SNTG1: variants seen among roughly 807,000 people sequenced by gnomAD.
SNTG1 encodes the protein gamma-1-syntrophin.
In SNTG1, 39 loss-of-function variants were observed where a neutral mutation model predicts 74.7. The observed-to-expected ratio is 0.52, with a 90% CI of 0.40 to 0.68. The LOEUF is 0.68. SNTG1 is among the 30% of genes least tolerant of loss of function. The pLI is 0.00. For missense variants in SNTG1, 685 were observed against 609.5 expected, an observed-to-expected ratio of 1.12 and a Z score of -1.30; for synonymous variants, 254 against 217.1, an observed-to-expected ratio of 1.17 and a Z score of -1.49.
At chr8:50,611,601 T>C (rs928168641) in intron 13 of SNTG1, among the ~76,000 whole-genome samples, 2 of 152,140 alleles carry the variant, frequency 1.3e-5, no homozygotes, top group Non-Finnish European at 2.9e-5. Flanking sequence ...AAGAATGTAT[T>C]TTGCTTTTAC....
chr8:50,210,624 A>C (rs951621575), intron 2 of SNTG1, among the ~76,000 whole-genome samples: 4 of 152,154 alleles, frequency 2.6e-5, no homozygotes, highest in Non-Finnish European at 5.9e-5. Context: ...TATCCAGCCA[A>C]ACTAAGCTTC....
intron 2 of SNTG1, among the ~76,000 whole-genome samples, chr8:50,261,161 G>C (rs2087173823): frequency 6.6e-6 from 1 of 152,002 alleles, no homozygotes; most frequent in Non-Finnish European, 1.5e-5. Flanking sequence ...AGTGAGGTAG[G>C]GGTGACAACC....
At chr8:50,114,930 A>ATTAGTTTGAT (rs767009117) in intron 1 of SNTG1, among the ~76,000 whole-genome samples, 5 of 152,120 alleles carry the variant, frequency 3.3e-5, no homozygotes, top group Admixed American at 6.6e-5. Context: ...TGGTGTAGCA[A>ATTAGTTTGAT]TTAGTTTGAT....
At chr8:50,349,173 T>C (rs1306503700) in intron 2 of SNTG1, among the ~76,000 whole-genome samples, 2 of 152,210 alleles carry the variant, frequency 1.3e-5, no homozygotes, top group African/African-American at 4.8e-5. Flanking sequence ...AAAAGTTCAC[T>C]TTTGTTAGAA....
At chr8:50,635,172 A>G (rs1174627005) in intron 13 of SNTG1, among the ~76,000 whole-genome samples, 3 of 152,222 alleles carry the variant, frequency 2.0e-5, no homozygotes, top group East Asian at 3.9e-4. Context: ...AATCATGTGC[A>G]GATGAGATTT....
chr8:50,307,269 T>C (rs181139012), intron 2 of SNTG1, among the ~76,000 whole-genome samples: 84 of 152,228 alleles, frequency 5.5e-4, no homozygotes, highest in South Asian at 1.7e-3. Context: ...GATATGAATA[T>C]GTCCAATTTT....
At position 50,737,835 on chromosome 8, in the gene SNTG1, A is replaced by G. The variant is rs534355016; in HGVS notation, c.1285-14166A>G. On this transcript the variant is annotated intron_variant, in intron 17 of 18. Transcript: ENST00000642720. The stretch of plus-strand genomic sequence containing the variant: ...ACATGATTATCTCAGTAGATGCAGA[A>G]AAGGCCTTCAATAAAATTCAACACC... Among the ~76,000 whole-genome samples the G allele has an allele frequency of 6.6e-5, 10 of 152,274 alleles. No homozygotes were observed. In the South Asian group the frequency reaches 1.4e-3, roughly 22 times the overall value.
At chr8:50,015,748 A>G (rs1203948741) in intron 1 of SNTG1, among the ~76,000 whole-genome samples, 1 of 152,156 alleles carries the variant, frequency 6.6e-6, no homozygotes, top group Non-Finnish European at 1.5e-5. Flanking sequence ...ATTGTTGCCA[A>G]TGACAAGTCA....
chr8:50,512,798 A>G (rs1159368815), intron 9 of SNTG1, among the ~76,000 whole-genome samples: 1 of 151,924 alleles, frequency 6.6e-6, no homozygotes, highest in African/African-American at 2.4e-5. Flanking sequence ...TGCATTGGTT[A>G]TTTTAGTTAG....
chr8:49,913,845 A>C (rs999434467), intron 1 of SNTG1, among the ~76,000 whole-genome samples: 3 of 152,180 alleles, frequency 2.0e-5, no homozygotes, highest in African/African-American at 7.2e-5. Flanking sequence ...GTAGGGCATA[A>C]AATGTAAGCA....
At chr8:50,195,534 C>T (rs1313161895) in intron 2 of SNTG1, among the ~76,000 whole-genome samples, 2 of 152,170 alleles carry the variant, frequency 1.3e-5, no homozygotes, top group Non-Finnish European at 2.9e-5. Context: ...ACCTCCTGCT[C>T]CTCTGGTCAC....
At chr8:50,164,983 C>T (rs559486034) in intron 1 of SNTG1, among the ~76,000 whole-genome samples, 1 of 152,218 alleles carries the variant, frequency 6.6e-6, no homozygotes, top group South Asian at 2.1e-4. Context: ...TAAATTAAGA[C>T]AATAGTGACT....
chr8:50,083,092 C>T (rs532285309), intron 1 of SNTG1, among the ~76,000 whole-genome samples: 2 of 152,236 alleles, frequency 1.3e-5, no homozygotes, highest in East Asian at 3.9e-4. Context: ...GCCAACAGAA[C>T]TGAGGGAGTC....
chr8:50,131,387 T>C lies in SNTG1; in HGVS notation c.-102-41174T>C, dbSNP rs139224634. ...GTGTACAACATTAAGTTTTGTTATA[T>C]GTATGCATTCCACACATATGTGAAA... On this transcript the variant is annotated intron_variant, in intron 1 of 18. Coordinates refer to ENST00000642720, the MANE Select transcript of SNTG1 (RefSeq NM_018967.5). Among the ~76,000 whole-genome samples the C allele has an allele frequency of 1.9e-3, 289 of 152,316 alleles. 2 individuals are homozygous for C. The highest frequency in any genetic ancestry group is 3.7e-3 in the Admixed American group (57 of 15,282).
At chr8:50,664,612 TGG>T (rs2095241598) in intron 15 of SNTG1, among the ~76,000 whole-genome samples, 2 of 152,170 alleles carry the variant, frequency 1.3e-5, no homozygotes, top group African/African-American at 4.8e-5. Context: ...CTCATCTCTC[TGG>T]GCACCATGAT....
At chr8:50,407,186 A>C (rs1291296105) in intron 4 of SNTG1, among the ~76,000 whole-genome samples, 2 of 152,204 alleles carry the variant, frequency 1.3e-5, no homozygotes, top group East Asian at 3.9e-4. Flanking sequence ...AGTAGGGCAG[A>C]GATAAACATC....
intron 9 of SNTG1, among the ~76,000 whole-genome samples, chr8:50,509,473 G>T (rs1487749101): frequency 6.6e-6 from 1 of 151,940 alleles, no homozygotes; most frequent in Non-Finnish European, 1.5e-5. Flanking sequence ...GTAGCTTGAT[G>T]GGGATGGCAT....
chr8:50,185,789 A>G (rs2083360105), intron 2 of SNTG1, among the ~76,000 whole-genome samples: 1 of 152,010 alleles, frequency 6.6e-6, no homozygotes. Flanking sequence ...TCTATATTAT[A>G]CAATGGAAGA....
At chr8:50,559,024 T>C (rs2094472281) in intron 12 of SNTG1, among the ~76,000 whole-genome samples, 1 of 152,160 alleles carries the variant, frequency 6.6e-6, no homozygotes, top group South Asian at 2.1e-4. Flanking sequence ...GTTACAAAGG[T>C]GTATTTTGTG....
Sources: gnomAD v4.1 joint callset for allele counts (sites outside exome capture counted in the v4.1 genomes callset) on GRCh38, gnomAD v4.1.1 for gene constraint, MANE v1.5 for transcripts, NCBI Gene and HGNC (gene_info 2026-07-23, HGNC 2026-07-21) for gene names.